The following CD96 variants were observed in gnomAD, a reference collection of about 807,000 sequenced individuals.
CD96 encodes the protein CD96 molecule.
CD96 carries 70 observed loss-of-function variants against 71.3 expected under a neutral mutation model. The observed-to-expected ratio is 0.98, with a 90% CI of 0.81 to 1.20. The LOEUF (loss-of-function observed/expected upper bound fraction) is 1.20. Among genes scored for constraint, CD96 ranks in the 50% most tolerant of loss-of-function variants. The probability of loss-of-function intolerance (pLI) is 0.00; values close to 1 mark genes in which losing one functional copy is unlikely to be tolerated. For missense variants in CD96, 742 were observed against 677.5 expected (o/e 1.10, Z -1.06); for synonymous variants, 248 against 233.0 (o/e 1.06, Z -0.59).
chr3:111,635,969 C>T (rs1003108243), intron 10 of CD96, among the ~76,000 whole-genome samples: 1 of 152,136 alleles, frequency 6.6e-6, no homozygotes, highest in African/African-American at 2.4e-5. Flanking sequence ...AGTTATTGCT[C>T]TTTGGAAATC....
intron 3 of CD96, among the ~76,000 whole-genome samples, chr3:111,575,039 C>T (rs1408903039): frequency 6.6e-6 from 1 of 152,230 alleles, no homozygotes; most frequent in African/African-American, 2.4e-5. Flanking sequence ...AGAAATCCAC[C>T]AGCCTTGGCC....
At position 111,637,527 on chromosome 3, in the gene CD96, A is replaced by G. The variant is rs150778741; in HGVS notation, c.1387+266A>G. On this transcript the variant is annotated intron_variant, in intron 11 of 13. Coordinates refer to ENST00000352690, the MANE Select transcript of CD96 (RefSeq NM_005816.5). ...TACTAGTTATATCTATGAAAAATAAATTTCAATTTTTTTATTGGAAAATAG... is the reference window on the plus strand; with the variant it reads ...TACTAGTTATATCTATGAAAAATAAGTTTCAATTTTTTTATTGGAAAATAG... 8.0e-3 allele frequency among the ~76,000 whole-genome samples: 1,216 copies of G among 152,368 alleles called. 20 individuals are homozygous for G. Among genetic ancestry groups the G allele is most frequent in the African/African-American group, 0.028 (1,156 of 41,586 alleles).
chr3:111,646,930 C>T (rs2107785212), intron 12 of CD96, among the ~76,000 whole-genome samples: 1 of 152,014 alleles, frequency 6.6e-6, no homozygotes, highest in South Asian at 2.1e-4. Context: ...ATGGATGGAA[C>T]TGGAGACCAT....
At chr3:111,602,646 T>C (rs962693421) in intron 7 of CD96, among the ~76,000 whole-genome samples, 3 of 152,168 alleles carry the variant, frequency 2.0e-5, no homozygotes, top group African/African-American at 4.8e-5. Flanking sequence ...TGTTGCAAGC[T>C]CTTAAACACT....
chr3:111,637,163 T>C lies in CD96; in HGVS notation c.1322-33T>C, dbSNP rs758999257. 21 of 1,140,416 alleles carry C rather than the reference T, an allele frequency of 1.8e-5. No individual in the cohort carries two copies. In the Middle Eastern group the frequency reaches 5.8e-4, roughly 32 times the overall value. The allele number at this position is 1,140,416 out of a possible 1,614,324, so 70.6% of individuals were successfully genotyped here. On this transcript the variant is annotated intron_variant, in intron 10 of 13. Coordinates refer to ENST00000352690, the MANE Select transcript of CD96 (RefSeq NM_005816.5). ...CAAGAAGTGGTAATATAGTCTCATA[T>C]AGGTTAACTCTTCTGATATCTTCTT...
At chr3:111,618,938 T>G (rs1938385199) in intron 8 of CD96, among the ~76,000 whole-genome samples, 1 of 152,184 alleles carries the variant, frequency 6.6e-6, no homozygotes, top group African/African-American at 2.4e-5. Flanking sequence ...ACTGCTCACT[T>G]GCTTCTTTTA....
chr3:111,643,689 C>G (rs760952898), intron 12 of CD96, among the ~76,000 whole-genome samples: 18 of 141,408 alleles, frequency 1.3e-4, no homozygotes, highest in Non-Finnish European at 9.1e-5. Context: ...CAACAGCAAC[C>G]AAGCAGAGAA....
chr3:111,567,708 T>C (rs758588487), intron 3 of CD96, 61 bp downstream of exon 3: 171 of 1,430,872 alleles, frequency 1.2e-4, no homozygotes, highest in Non-Finnish European at 1.6e-4. Flanking sequence ...CGAAGTAAAA[T>C]GAATAAGCAG....
chr3:111,577,558 A>G (rs1256535894), intron 3 of CD96: 1 of 1,566,826 alleles, frequency 6.4e-7, no homozygotes, highest in African/African-American at 1.4e-5. Context: ...AGGTATGTAA[A>G]TTGCTGCAGG....
intron 5 of CD96, among the ~76,000 whole-genome samples, chr3:111,586,719 G>A (rs1392942639): frequency 3.3e-5 from 5 of 152,146 alleles, no homozygotes; most frequent in Non-Finnish European, 7.3e-5. Flanking sequence ...CAGATCTCAT[G>A]AGACTTACTC....
intron 8 of CD96, among the ~76,000 whole-genome samples, chr3:111,622,439 A>G (rs990096814): frequency 6.6e-6 from 1 of 152,244 alleles, no homozygotes; most frequent in African/African-American, 2.4e-5. Flanking sequence ...TCATGAAGCC[A>G]CGGTGTGTAA....
intron 8 of CD96, among the ~76,000 whole-genome samples, chr3:111,609,862 C>T (rs1937819988): frequency 6.6e-6 from 1 of 152,126 alleles, no homozygotes. Flanking sequence ...TTTGCCACTC[C>T]AGAGGACCTT....
chr3:111,593,636 AG>A (rs1937101575), intron 5 of CD96: 2 of 1,599,998 alleles, frequency 1.3e-6, no homozygotes, highest in Non-Finnish European at 1.7e-6. Flanking sequence ...CTTCATCTCC[AG>A]GATGGCCCTT....
At chr3:111,652,544 A>G (rs1485309179), downstream of CD96, among the ~76,000 whole-genome samples, 1 of 152,080 alleles carries the variant, frequency 6.6e-6, no homozygotes, top group African/African-American at 2.4e-5. Context: ...TAATTTATCA[A>G]TCTATCAGAT....
intron 4 of CD96, among the ~76,000 whole-genome samples, chr3:111,580,752 C>G (rs1031038013): frequency 1.3e-5 from 2 of 152,082 alleles, no homozygotes; most frequent in Non-Finnish European, 2.9e-5. Flanking sequence ...CCCTGATGAT[C>G]AGGTTCCTTA....
chr3:111,641,389 A>G lies in CD96; in HGVS notation c.1477+3221A>G, dbSNP rs141762672. On this transcript the variant is annotated intron_variant, in intron 12 of 13. Coordinates refer to ENST00000352690, the MANE Select transcript of CD96 (RefSeq NM_005816.5). ...AACAAACTTTAAAGCAACAGTGGTT[A>G]AAAAAGACAAAGAGGACAGTATATA... Among the ~76,000 whole-genome samples, 141 of 152,376 alleles carry G rather than the reference A, an allele frequency of 9.3e-4. 1 individual carries two copies. The highest frequency in any genetic ancestry group is 3.3e-3 in the African/African-American group (139 of 41,592).
In CD96 at chr3:111,649,826, A is replaced by G. The variant is rs1486322070; in HGVS notation, c.*20A>G. On this transcript the variant is annotated 3_prime_UTR_variant, in exon 14 of 14. Transcript: ENST00000352690. ...CTCTAGTCTCGTGAGACTTTGCCCC[A>G]TGGCAGAACTCTGCTGGAATCCTAT... 1 of 1,411,062 alleles carries G rather than the reference A, an allele frequency of 7.1e-7. No homozygotes were observed. The allele number at this position is 1,411,062 out of a possible 1,614,324, so 87.4% of individuals were successfully genotyped here. A position where few individuals can be genotyped will look rare whatever the true frequency, so the allele number is the denominator to read the frequency against.
intron 4 of CD96, among the ~76,000 whole-genome samples, chr3:111,582,583 T>C (rs528572525): frequency 2.0e-5 from 3 of 152,316 alleles, no homozygotes; most frequent in South Asian, 4.1e-4. Flanking sequence ...TTCATTTTCA[T>C]GCTGCTGATA....
chr3:111,643,529 G>A (rs916978048), intron 12 of CD96, among the ~76,000 whole-genome samples: 1 of 152,080 alleles, frequency 6.6e-6, no homozygotes, highest in Non-Finnish European at 1.5e-5. Flanking sequence ...CAGTAAAGAG[G>A]AAGTCAAACT....
Sources: allele counts gnomAD v4.1 joint callset (sites outside exome capture counted in the v4.1 genomes callset), GRCh38; gene constraint gnomAD v4.1.1; transcripts MANE v1.5; gene names NCBI Gene and HGNC (gene_info 2026-07-23, HGNC 2026-07-21).